Variants in CCDC192 observed in about 807,000 individuals in gnomAD.
CCDC192 encodes coiled-coil domain containing 192.
rs539677933 is a variant in CCDC192, at chr5:127,785,780, T to C, written c.223-11323T>C. On this transcript the variant is annotated intron_variant, in intron 3 of 6. Coordinates refer to ENST00000514853, the MANE Select transcript of CCDC192 (RefSeq NM_001317938.2). ...TTTCTTCAAGAACGAGTCATAGTAT[T>C]GAGCCAATGACTCATGGGAGTTACT... 6.2e-5 allele frequency: 17 copies of C among 275,756 alleles called. 2 individuals are homozygous for C. In the East Asian group the frequency reaches 9.0e-4, roughly 15 times the overall value. The allele number at this position is 275,756 out of a possible 1,614,324, so 17.1% of individuals were successfully genotyped here.
chr5:127,859,424 G>A (rs1157075667), intron 5 of CCDC192, among the ~76,000 whole-genome samples: 1 of 152,028 alleles, frequency 6.6e-6, no homozygotes, highest in East Asian at 1.9e-4. Context: ...CTAGGATTCT[G>A]GAATCTGGCT....
chr5:127,752,083 A>C (rs1452390180), intron 2 of CCDC192, among the ~76,000 whole-genome samples: 1 of 152,014 alleles, frequency 6.6e-6, no homozygotes, highest in African/African-American at 2.4e-5. Flanking sequence ...GCTCAGAGTA[A>C]TTTGATCGTC....
chr5:127,702,984 G>C (rs746174822), upstream of CCDC192, among the ~76,000 whole-genome samples: 1 of 152,164 alleles, frequency 6.6e-6, no homozygotes, highest in Non-Finnish European at 1.5e-5. Flanking sequence ...CTTCTGTCTG[G>C]GGCCGGCGGG....
chr5:127,765,845 T>C (rs1755191895), intron 3 of CCDC192, among the ~76,000 whole-genome samples: 1 of 152,198 alleles, frequency 6.6e-6, no homozygotes, highest in Admixed American at 6.5e-5. Flanking sequence ...ATGTTCCTTA[T>C]TCATATTTCC....
intron 5 of CCDC192, among the ~76,000 whole-genome samples, chr5:127,814,382 A>G (rs892502133): frequency 6.6e-6 from 1 of 152,318 alleles, no homozygotes; most frequent in African/African-American, 2.4e-5. Context: ...TCTTTCCCGC[A>G]TAAAACACAC....
chr5:127,761,139 T>C (rs562556066), intron 3 of CCDC192, among the ~76,000 whole-genome samples: 2 of 152,362 alleles, frequency 1.3e-5, no homozygotes, highest in South Asian at 2.1e-4. Flanking sequence ...CTTTGCACGC[T>C]GTTCAAAGTC....
chr5:127,864,663 A>G (rs1396216431), intron 5 of CCDC192, among the ~76,000 whole-genome samples: 1 of 152,238 alleles, frequency 6.6e-6, no homozygotes, highest in Non-Finnish European at 1.5e-5. Context: ...ACTTACTAAT[A>G]TCTCCATAGT....
chr5:127,860,364 T>C (rs1341461784), intron 5 of CCDC192, among the ~76,000 whole-genome samples: 6 of 152,204 alleles, frequency 3.9e-5, no homozygotes, highest in Non-Finnish European at 5.9e-5. Flanking sequence ...CTTAAAATTT[T>C]CTCTGCTTTG....
intron 5 of CCDC192, among the ~76,000 whole-genome samples, chr5:127,840,488 C>T (rs867620792): frequency 6.6e-6 from 1 of 151,924 alleles, no homozygotes; most frequent in African/African-American, 2.4e-5. Context: ...AAAATAAAGA[C>T]ATACATATAG....
chr5:127,886,518 T>A (rs1752564168), intron 6 of CCDC192, among the ~76,000 whole-genome samples: 1 of 152,192 alleles, frequency 6.6e-6, no homozygotes, highest in East Asian at 1.9e-4. Flanking sequence ...ATGCTGAGGA[T>A]GAAGATCTTG....
chr5:127,861,919 G>A (rs1310814286), intron 5 of CCDC192, among the ~76,000 whole-genome samples: 2 of 152,128 alleles, frequency 1.3e-5, no homozygotes. Flanking sequence ...TGAAATAACT[G>A]AAAAATGTAC....
chr5:127,783,607 T>C (rs1449217577), intron 3 of CCDC192, among the ~76,000 whole-genome samples: 3 of 152,082 alleles, frequency 2.0e-5, no homozygotes, highest in Non-Finnish European at 1.5e-5. Flanking sequence ...GGTCGTTGGG[T>C]GGAATTTTGT....
intron 5 of CCDC192, among the ~76,000 whole-genome samples, chr5:127,848,326 A>C (rs1409794651): frequency 6.6e-6 from 1 of 152,168 alleles, no homozygotes; most frequent in Non-Finnish European, 1.5e-5. Flanking sequence ...CCATTGCCCA[A>C]CTTGAGAGTG....
intron 2 of CCDC192, among the ~76,000 whole-genome samples, chr5:127,752,761 C>G (rs935138781): frequency 6.6e-6 from 1 of 152,168 alleles, no homozygotes; most frequent in Non-Finnish European, 1.5e-5. Flanking sequence ...TAGCAGTCAG[C>G]GAGACTCCGT....
chr5:127,733,798 T>A (rs1033578580), intron 2 of CCDC192, among the ~76,000 whole-genome samples: 1 of 151,692 alleles, frequency 6.6e-6, no homozygotes, highest in Non-Finnish European at 1.5e-5. Flanking sequence ...GATTCCACGC[T>A]GTTTGGCACC....
intron 2 of CCDC192, among the ~76,000 whole-genome samples, chr5:127,752,931 T>C (rs1754309465): frequency 6.6e-6 from 1 of 152,204 alleles, no homozygotes; most frequent in Admixed American, 6.5e-5. Context: ...CCCTGACCCC[T>C]TGCGCTTCCC....
In CCDC192 at chr5:127,941,195, G is replaced by A. The variant is rs1754392551; in HGVS notation, c.549G>A (p.Leu183=). ...TGTTTGCTTTAGAAGACAGCTTGCT[G>A]GAAGGGTTCTGTGGAGGTCTCCCAC... ...GKPAPREDSL[L]EGFCGGLPPV... is the part of the protein sequence containing the mutation. Residue 183 remains leucine (L), a synonymous_variant, in exon 7 of 7, where the codon CTG becomes CTA. Coordinates refer to ENST00000514853, the MANE Select transcript of CCDC192 (RefSeq NM_001317938.2). 5.0e-6 allele frequency: 2 copies of A among 398,946 alleles called. No individual in the cohort carries two copies. The highest frequency in any genetic ancestry group is 2.1e-5 in the African/African-American group (1 of 48,634). The allele number at this position is 398,946 out of a possible 1,614,324, so 24.7% of individuals were successfully genotyped here. A position where few individuals can be genotyped will look rare whatever the true frequency, so the allele number is the denominator to read the frequency against.
At chr5:127,892,515 A>C (rs1000793248) in intron 6 of CCDC192, among the ~76,000 whole-genome samples, 25 of 152,210 alleles carry the variant, frequency 1.6e-4, no homozygotes, top group Non-Finnish European at 1.6e-4. Context: ...AAATGAACTC[A>C]AAATATGTTT....
chr5:127,898,760 G>A (rs1221418553), intron 6 of CCDC192, among the ~76,000 whole-genome samples: 2 of 152,142 alleles, frequency 1.3e-5, no homozygotes, highest in Non-Finnish European at 2.9e-5. Flanking sequence ...GAAGGGTGGG[G>A]TGAGAGAGGG....
Sources: gnomAD v4.1 joint callset for allele counts (sites outside exome capture counted in the v4.1 genomes callset) on GRCh38, gnomAD v4.1.1 for gene constraint, MANE v1.5 for transcripts, NCBI Gene and HGNC (gene_info 2026-07-23, HGNC 2026-07-21) for gene names.